FABP6: variants seen among roughly 807,000 people sequenced by gnomAD.
FABP6 encodes fatty acid binding protein 6, also known as gastrotropin.
FABP6 carries 13 observed loss-of-function variants against 14.9 expected under a neutral mutation model. The ratio of observed to expected loss-of-function variants is 0.87; its 90% CI spans 0.57 to 1.39. The LOEUF is 1.39. FABP6 is among the 40% of genes most tolerant of loss of function. FABP6 has a pLI of 0.00. For missense variants in FABP6, 161 were observed against 167.2 expected (o/e 0.96, Z 0.20); for synonymous variants, 75 against 63.6 (o/e 1.18, Z -0.85).
At chr5:160,234,294 T>C (rs1471929536) in intron 2 of FABP6, among the ~76,000 whole-genome samples, 1 of 151,824 alleles carries the variant, frequency 6.6e-6, no homozygotes, top group Non-Finnish European at 1.5e-5. Flanking sequence ...CAGCAAGACT[T>C]TGTCTCCTTG....
intron 2 of FABP6, among the ~76,000 whole-genome samples, chr5:160,211,982 T>C (rs112896242): frequency 8.7e-6 from 1 of 115,514 alleles, no homozygotes; most frequent in African/African-American, 3.2e-5. Flanking sequence ...CTATGCAAGT[T>C]CTTTTTTTTT....
At chr5:160,237,149 C>T (rs569206329) in intron 3 of FABP6, among the ~76,000 whole-genome samples, 11 of 152,008 alleles carry the variant, frequency 7.2e-5, no homozygotes, top group Non-Finnish European at 1.6e-4. Flanking sequence ...TCAGTAACTC[C>T]CAGAAGAAGC....
chr5:160,216,218 T>A (rs4314444), intron 3 of FABP6, among the ~76,000 whole-genome samples: 26,088 of 152,082 alleles, frequency 0.17, 2,277 homozygotes, highest in Middle Eastern at 0.19. Flanking sequence ...TGCTAGTAAG[T>A]ACTTATTGAG....
intron 2 of FABP6, among the ~76,000 whole-genome samples, chr5:160,210,492 CA>C (rs1369976767): frequency 6.6e-6 from 1 of 152,144 alleles, no homozygotes; most frequent in Non-Finnish European, 1.5e-5. Flanking sequence ...TGGGGTAGAT[CA>C]TGTGGGGACA....
At chr5:160,213,290 T>A (rs1759931767) in intron 2 of FABP6, among the ~76,000 whole-genome samples, 1 of 152,176 alleles carries the variant, frequency 6.6e-6, no homozygotes, top group Non-Finnish European at 1.5e-5. Context: ...TGAGGGTGCA[T>A]GGACATGAGG....
At chr5:160,197,123 A>G (rs1403322629) in intron 1 of FABP6, 2 of 152,252 alleles carry the variant, frequency 1.3e-5, no homozygotes, top group African/African-American at 4.8e-5. Context: ...GCAGTGCACA[A>G]CCTGTGCAGC....
rs185514055 is a variant in FABP6, at chr5:160,192,445, C to A, written c.-59+4991C>A. Among the ~76,000 whole-genome samples the A allele has an allele frequency of 3.6e-3, 545 of 152,380 alleles. 4 individuals carry two copies. Among genetic ancestry groups the A allele is most frequent in the Non-Finnish European group, 5.8e-3 (392 of 68,046 alleles). On this transcript the variant is annotated intron_variant, in intron 1 of 6. Coordinates refer to the FABP6 transcript ENST00000393980. Reference sequence around the variant, plus strand: ...AGGTTAGCTCCATTCCTGCAGAAACCTTGCGTGTTTACTCTCCACTAAGTC... The same window carrying A: ...AGGTTAGCTCCATTCCTGCAGAAACATTGCGTGTTTACTCTCCACTAAGTC...
At chr5:160,234,641 G>C (rs1048803096) in intron 2 of FABP6, among the ~76,000 whole-genome samples, 179 bp from the exon 3 acceptor site, 4 of 152,004 alleles carry the variant, frequency 2.6e-5, no homozygotes, top group Non-Finnish European at 5.9e-5. Context: ...TGGCCAGGCT[G>C]GTCTCGAACT....
chr5:160,212,133 G>A (rs779773171), intron 2 of FABP6, among the ~76,000 whole-genome samples: 7 of 150,878 alleles, frequency 4.6e-5, no homozygotes, highest in African/African-American at 1.2e-4. Context: ...GATTACAGGC[G>A]CCTGCCACCA....
chr5:160,227,817 GAC>G (rs1491362146), upstream of FABP6, among the ~76,000 whole-genome samples: 2 of 74,078 alleles, frequency 2.7e-5, no homozygotes, highest in African/African-American at 5.7e-5. Context: ...AAAAATCCAT[GAC>G]GTGTGTGTGT....
chr5:160,219,398 G>C (rs186688580), intron 3 of FABP6, among the ~76,000 whole-genome samples: 1 of 152,128 alleles, frequency 6.6e-6, no homozygotes, highest in Non-Finnish European at 1.5e-5. Flanking sequence ...TTGTTCTATT[G>C]GTTCTATTGC....
intron 2 of FABP6, among the ~76,000 whole-genome samples, chr5:160,210,072 G>T (rs1759853947): frequency 6.6e-6 from 1 of 152,124 alleles, no homozygotes; most frequent in Non-Finnish European, 1.5e-5. Flanking sequence ...CTGTACCAAG[G>T]CAAGTCAAAC....
At chr5:160,189,647 G>A (rs981995525) in intron 1 of FABP6, among the ~76,000 whole-genome samples, 21 of 152,208 alleles carry the variant, frequency 1.4e-4, no homozygotes, top group African/African-American at 4.3e-4. Flanking sequence ...AAGGCAGGAG[G>A]ATCTATTGAG....
chr5:160,222,823 C>A (rs766990027), intron 3 of FABP6, among the ~76,000 whole-genome samples: 10 of 152,106 alleles, frequency 6.6e-5, no homozygotes, highest in Non-Finnish European at 1.2e-4. Flanking sequence ...GTAATTCAAT[C>A]CCAATTTGAC....
intron 2 of FABP6, among the ~76,000 whole-genome samples, chr5:160,205,073 A>G (rs554736672): frequency 5.3e-5 from 8 of 152,276 alleles, no homozygotes; most frequent in African/African-American, 1.9e-4. Flanking sequence ...TCAGAGAATT[A>G]TAAAAAATAT....
chr5:160,226,094 A>T (rs1205426223), upstream of FABP6, among the ~76,000 whole-genome samples: 1 of 151,880 alleles, frequency 6.6e-6, no homozygotes, highest in Non-Finnish European at 1.5e-5. Flanking sequence ...GAATGGCTTG[A>T]ACCTGGGAGG....
chr5:160,193,430 G>A (rs1759441996), intron 1 of FABP6, among the ~76,000 whole-genome samples: 1 of 152,076 alleles, frequency 6.6e-6, no homozygotes, highest in Non-Finnish European at 1.5e-5. Flanking sequence ...AGTGTGGAAG[G>A]GGACCCGAGC....
Position 160,195,267 on chromosome 5 carries a change from G to C in FABP6, c.-58-3782G>C, listed in dbSNP as rs539712309. 3.0e-4 allele frequency among the ~76,000 whole-genome samples: 34 copies of C among 111,628 alleles called. 1 individual carries two copies. In the Admixed American group the frequency reaches 3.8e-3, roughly 12 times the overall value. 73.2% of individuals were successfully genotyped at this position (111,628 alleles called of 152,430 possible). On this transcript the variant is annotated intron_variant, in intron 1 of 6. Coordinates refer to the FABP6 transcript ENST00000393980. ...CCACTGCACTCCAGCCTGGGCAACA[G>C]AGCGAGACTCTGTCTCAAAAAAAAA...
intron 2 of FABP6, among the ~76,000 whole-genome samples, chr5:160,203,831 A>T (rs1445250382): frequency 6.6e-6 from 1 of 151,558 alleles, no homozygotes; most frequent in Non-Finnish European, 1.5e-5. Flanking sequence ...CCTCTCAAGT[A>T]GCTGGGATTA....
Sources: allele counts gnomAD v4.1 joint callset (sites outside exome capture counted in the v4.1 genomes callset), GRCh38; gene constraint gnomAD v4.1.1; transcripts MANE v1.5; gene names NCBI Gene and HGNC (gene_info 2026-07-23, HGNC 2026-07-21).